The following CHST15 variants were observed in gnomAD, a reference collection of about 807,000 sequenced individuals.
CHST15 encodes B cell RAG associated protein (GALNAC4S-6ST).
Under a neutral mutation model 53.6 loss-of-function variants are expected in CHST15, and 30 were observed. That is an observed-to-expected ratio of 0.56 (90% CI 0.42 to 0.76). The LOEUF (loss-of-function observed/expected upper bound fraction) is 0.76. CHST15 is among the 30% of genes least tolerant of loss of function. The pLI is 0.00. For synonymous variants in CHST15, 296 were observed against 289.8 expected, an observed-to-expected ratio of 1.02 and a Z score of -0.22; for missense variants, 627 against 740.5, an observed-to-expected ratio of 0.85 and a Z score of 1.78.
chr10:124,021,404 G>A lies in CHST15; in HGVS notation c.1199C>T (p.Ser400Leu). Residue 400 changes from serine (S) to leucine (L), a missense_variant, in exon 6 of 8, where the codon TCA (serine) becomes TTA (leucine). Physicochemically the swap from Ser to Leu is moderately radical, Grantham distance 145. Around this residue, in one of 3 missense-constraint regions of CHST15, gnomAD observed 279 missense variants for 371.6 expected, o/e 0.75. Coordinates refer to ENST00000435907, the MANE Select transcript of CHST15 (RefSeq NM_001270764.2). Reference sequence around the variant, plus strand: ...CGAACTTGCAAAGTAGAGATAGTCTGAGTACAACCTGTGAATAAAATAAAT... The same window carrying A: ...CGAACTTGCAAAGTAGAGATAGTCTAAGTACAACCTGTGAATAAAATAAAT... ...MLRDPVERLY[S>L]DYLYFASSNK... 1 of 1,610,292 alleles carries A rather than the reference G, an allele frequency of 6.2e-7. No individual in the cohort carries two copies. The highest frequency in any genetic ancestry group is 8.5e-7 in the Non-Finnish European group (1 of 1,176,852).
chr10:124,034,426 C>CT (rs1947342177), intron 5 of CHST15, among the ~76,000 whole-genome samples: 1 of 152,058 alleles, frequency 6.6e-6, no homozygotes, highest in Non-Finnish European at 1.5e-5. Flanking sequence ...CACGGTGCTG[C>CT]TGTCTTCTGT....
At chr10:124,047,887 G>A (rs1035307862) in intron 1 of CHST15, among the ~76,000 whole-genome samples, 5 of 152,152 alleles carry the variant, frequency 3.3e-5, no homozygotes, top group Non-Finnish European at 5.9e-5. Flanking sequence ...TTATTCTTTA[G>A]CAATTGAAAA....
rs981382931 is a variant in CHST15 at position 124,019,485 on chromosome 10, C to G, written c.1347+1771G>C. Among the ~76,000 whole-genome samples the G allele has an allele frequency of 1.3e-5, 2 of 152,186 alleles. No individual in the cohort carries two copies. The highest frequency in any genetic ancestry group is 2.4e-5 in the African/African-American group (1 of 41,458). On this transcript the variant is annotated intron_variant, in intron 6 of 7. Transcript: ENST00000435907. This position sits in a 1 kb window ranked among gnomAD's most constrained non-coding sequence, Gnocchi z 4.6. Reference sequence around the variant, plus strand: ...CCTGTGTCCCCTGTGACGGTGGCCACAGAGCCATTGAGTCATTCCCCCTTT... The same window carrying G: ...CCTGTGTCCCCTGTGACGGTGGCCAGAGAGCCATTGAGTCATTCCCCCTTT...
At chr10:124,012,723 CA>C (rs1056881772) in intron 6 of CHST15, among the ~76,000 whole-genome samples, 12 of 152,334 alleles carry the variant, frequency 7.9e-5, no homozygotes, top group African/African-American at 2.6e-4. Context: ...TGGGTAGCGC[CA>C]TGCCTCCATT....
intron 5 of CHST15, among the ~76,000 whole-genome samples, chr10:124,023,433 C>T (rs904312601): frequency 4.0e-5 from 6 of 150,734 alleles, no homozygotes; most frequent in Non-Finnish European, 7.4e-5. Context: ...TGCAGTGAGC[C>T]GTGATCATGC....
In CHST15 at chr10:124,007,895, C is replaced by T. The variant is rs1331086988; in HGVS notation, c.*2254G>A. ...TTGCTTTGGTTTTGAATGGCAGGCTCGAGAACCACCGCCCAGAACGGAACC... is the reference window on the plus strand; with the variant it reads ...TTGCTTTGGTTTTGAATGGCAGGCTTGAGAACCACCGCCCAGAACGGAACC... On this transcript the variant is annotated 3_prime_UTR_variant, in exon 8 of 8. Coordinates refer to ENST00000435907, the MANE Select transcript of CHST15 (RefSeq NM_001270764.2). 58 of 1,231,934 alleles carry T rather than the reference C, an allele frequency of 4.7e-5. No individual in the cohort carries two copies. The highest frequency in any genetic ancestry group is 1.6e-5 in the African/African-American group (1 of 64,376). 76.3% of individuals were successfully genotyped at this position (1,231,934 alleles called of 1,614,324 possible). A position where few individuals can be genotyped will look rare whatever the true frequency, so the allele number is the denominator to read the frequency against.
chr10:124,055,799 C>G (rs1339883295), intron 1 of CHST15, among the ~76,000 whole-genome samples: 1 of 152,184 alleles, frequency 6.6e-6, no homozygotes, highest in African/African-American at 2.4e-5. Flanking sequence ...CCCCAAAGAT[C>G]CAGGGTAAAC....
In CHST15 at chr10:124,046,191, A is replaced by G; in HGVS notation, c.22T>C (p.Cys8Arg). 2 of 1,609,372 alleles carry G rather than the reference A, an allele frequency of 1.2e-6. No individual in the cohort carries two copies. Among genetic ancestry groups the G allele is most frequent in the South Asian group, 1.1e-5 (1 of 90,348 alleles). The change falls in exon 2 of 8, where the codon TGC becomes CGC. Residue 8 changes from cysteine (C) to arginine (R), a missense_variant. This residue lies in a region of CHST15 where 187 missense variants were observed against 251.8 expected (regional missense o/e 0.74). Transcript: ENST00000435907. MRHCINC[C>R]IQLLPDGAHK... ...GCGCCGTCGGGTAACAGCTGTATGC[A>G]GCAATTAATGCAGTGCCTCATGGTA... is the stretch of plus-strand genomic sequence containing the variant.
Position 124,046,245 on chromosome 10 carries a change from C to A in CHST15, c.-33G>T. ...CCAGTGCCCTGGGCTGCTGGCTTAC[C>A]GAGCCATGGGTGGGCCCCCCACGAG... On this transcript the variant is annotated 5_prime_UTR_variant, in exon 2 of 8. Coordinates refer to ENST00000435907, the MANE Select transcript of CHST15 (RefSeq NM_001270764.2). 1 of 1,542,828 alleles carries A rather than the reference C, an allele frequency of 6.5e-7. No homozygotes were observed. The highest frequency in any genetic ancestry group is 2.3e-5 in the East Asian group (1 of 44,102).
Position 124,044,643 on chromosome 10 carries a change from G to A in CHST15, c.823C>T (p.Leu275=). The change falls in exon 3 of 8, where the codon CTG becomes TTG. Residue 275 remains leucine, a synonymous_variant. Transcript: ENST00000435907. ...GTTDLYDRLR[L]HPEVKFSAIK... is the part of the protein sequence containing the mutation. ...GCGGAGAACTTGACCTCAGGGTGCA[G>A]CCGCAGGCGGTCATAGAGGTCTGTG... is the stretch of plus-strand genomic sequence containing the variant. 1 of 1,604,126 alleles carries A rather than the reference G, an allele frequency of 6.2e-7. No homozygotes were observed. Among genetic ancestry groups the A allele is most frequent in the Non-Finnish European group, 8.5e-7 (1 of 1,174,622 alleles).
chr10:124,038,149 C>T (rs1947585622), intron 5 of CHST15, among the ~76,000 whole-genome samples: 1 of 151,246 alleles, frequency 6.6e-6, no homozygotes, highest in South Asian at 2.1e-4. Flanking sequence ...CTCTGACACC[C>T]AGGCTGGAGT....
chr10:124,072,440 T>G (rs534419841), intron 1 of CHST15, among the ~76,000 whole-genome samples: 1 of 152,282 alleles, frequency 6.6e-6, no homozygotes, highest in South Asian at 2.1e-4. Context: ...AAACAACAGC[T>G]TTTGGCACAG....
rs57921861 is a variant in CHST15 at position 124,023,113 on chromosome 10, T to C, written c.1191-1701A>G. 9.1e-3 allele frequency among the ~76,000 whole-genome samples: 1,384 copies of C among 152,146 alleles called. 18 individuals carry two copies. Among genetic ancestry groups the C allele is most frequent in the African/African-American group, 0.031 (1,295 of 41,488 alleles). On this transcript the variant is annotated intron_variant, in intron 5 of 7. Coordinates refer to ENST00000435907, the MANE Select transcript of CHST15 (RefSeq NM_001270764.2). ...TTTTCCTAGTTGTATTCGGAGTCTC[T>C]CTCCTCTACTGAAAAACTGTCATGG... is the stretch of plus-strand genomic sequence containing the variant.
chr10:124,077,465 G>A (rs569433086), intron 1 of CHST15, among the ~76,000 whole-genome samples: 4 of 152,172 alleles, frequency 2.6e-5, no homozygotes, highest in South Asian at 2.1e-4. Flanking sequence ...GCACTCAAGC[G>A]GAGGCCTTGT....
At position 124,010,319 on chromosome 10, in the gene CHST15, C is replaced by T; in HGVS notation, c.1516G>A (p.Glu506Lys). Residue 506 changes from glutamate to lysine, a missense_variant, in exon 8 of 8, where the codon GAG becomes AAG. Glu to Lys is a moderately conservative substitution (Grantham distance 56). Transcript: ENST00000435907. ...LNLGPLSEKQEALMTKSPASN... is the reference protein window; with the variant it reads ...LNLGPLSEKQKALMTKSPASN... ...GCGGGGCTCTTGGTCATCAAAGCCTCCTGCTTCTCACTTAAGGGCCCTAGA... is the reference window on the plus strand; with the variant it reads ...GCGGGGCTCTTGGTCATCAAAGCCTTCTGCTTCTCACTTAAGGGCCCTAGA... The T allele has an allele frequency of 6.2e-7, 1 of 1,605,946 alleles. No homozygotes were observed. The highest frequency in any genetic ancestry group is 8.5e-7 in the Non-Finnish European group (1 of 1,175,160).
At chr10:124,039,678 A>C (rs1947661634) in intron 4 of CHST15, among the ~76,000 whole-genome samples, 1 of 152,254 alleles carries the variant, frequency 6.6e-6, no homozygotes, top group Non-Finnish European at 1.5e-5. Flanking sequence ...AGGTGATGCC[A>C]AGACACAGGC....
At chr10:124,075,095 T>C (rs1949029935) in intron 1 of CHST15, among the ~76,000 whole-genome samples, 1 of 152,270 alleles carries the variant, frequency 6.6e-6, no homozygotes, top group Non-Finnish European at 1.5e-5. Context: ...GTGAAGTTTT[T>C]TCCTATTATT....
At chr10:124,069,254 A>C (rs1948838803) in intron 1 of CHST15, among the ~76,000 whole-genome samples, 1 of 152,266 alleles carries the variant, frequency 6.6e-6, no homozygotes, top group Non-Finnish European at 1.5e-5. Context: ...GGATGGGTTC[A>C]ACTGACTTCT....
At chr10:124,086,756 G>A (rs1031390249) in intron 1 of CHST15, among the ~76,000 whole-genome samples, 1 of 152,014 alleles carries the variant, frequency 6.6e-6, no homozygotes, top group Non-Finnish European at 1.5e-5. Context: ...CCTGAACCCT[G>A]AATTGTACTA....
Sources: allele counts gnomAD v4.1 joint callset (sites outside exome capture counted in the v4.1 genomes callset), GRCh38; gene constraint gnomAD v4.1.1; regional missense constraint gnomAD v4.1.1; non-coding constraint Gnocchi (gnomAD v3.1); transcripts MANE v1.5; gene names NCBI Gene and HGNC (gene_info 2026-07-23, HGNC 2026-07-21).